The following LEMD3 variants were observed in gnomAD, a reference collection of about 807,000 sequenced individuals.
LEMD3 encodes inner nuclear membrane protein Man1.
In LEMD3, 33 loss-of-function variants were observed where a neutral mutation model predicts 95.2. The ratio of observed to expected loss-of-function variants is 0.35; its 90% CI spans 0.26 to 0.46. LEMD3 has a LOEUF of 0.46. LEMD3 is among the 20% of genes least tolerant of loss of function. The probability of loss-of-function intolerance (pLI) is 1.00; values close to 1 mark genes in which losing one functional copy is unlikely to be tolerated. For missense variants in LEMD3, 1,210 were observed against 1,192.8 expected (o/e 1.01, Z -0.21); for synonymous variants, 525 against 474.6 (o/e 1.11, Z -1.38).
chr12:65,241,503 C>G (rs1011856464), intron 9 of LEMD3, among the ~76,000 whole-genome samples: 6 of 151,682 alleles, frequency 4.0e-5, no homozygotes, highest in Non-Finnish European at 8.8e-5. Context: ...TTTTGCCTGC[C>G]TCCTCTTACT....
chr12:65,171,114 C>G lies in LEMD3; in HGVS notation c.1518C>G (p.Leu506=). ...CAGGAGTATCTGAGGATGGAGAACT[C>G]AGCAGTAAGTATTAAATCCTGTGGG... ...RGTGVSEDGE[L]SIENPFGETF... The change falls in exon 1 of 13, where the codon CTC becomes CTG. Residue 506 remains leucine, a synonymous_variant. Transcript: ENST00000308330. 1 of 1,610,864 alleles carries G rather than the reference C, an allele frequency of 6.2e-7. No homozygotes were observed. The highest frequency in any genetic ancestry group is 8.5e-7 in the Non-Finnish European group (1 of 1,179,974).
intron 9 of LEMD3, among the ~76,000 whole-genome samples, chr12:65,241,602 A>T (rs1364940784): frequency 6.6e-6 from 1 of 152,090 alleles, no homozygotes; most frequent in Admixed American, 6.6e-5. Flanking sequence ...AGTTTCAAAA[A>T]CATGTATAAA....
chr12:65,239,944 G>C lies in LEMD3; in HGVS notation c.1937G>C (p.Cys646Ser). The change falls in exon 7 of 13, where the codon TGT becomes TCT. Residue 646 changes from cysteine to serine, a missense_variant. Cys to Ser is a moderately radical substitution (Grantham distance 112). Coordinates refer to ENST00000308330, the MANE Select transcript of LEMD3 (RefSeq NM_014319.5). ...LLLCLGVVMVCVVLRYMKYRW... is the reference protein window; with the variant it reads ...LLLCLGVVMVSVVLRYMKYRW... ...AATATTACAGGTGTAGTGATGGTTT[G>C]TGTCGTTCTGCGTTACATGAAATAT... 3 of 1,608,990 alleles carry C rather than the reference G, an allele frequency of 1.9e-6. No individual in the cohort carries two copies. The highest frequency in any genetic ancestry group is 2.6e-6 in the Non-Finnish European group (3 of 1,175,492).
chr12:65,225,418 T>C (rs780421648), intron 4 of LEMD3, among the ~76,000 whole-genome samples: 1 of 152,204 alleles, frequency 6.6e-6, no homozygotes, highest in Non-Finnish European at 1.5e-5. Flanking sequence ...ATATCTTTTC[T>C]GTGGTTGTGG....
intron 1 of LEMD3, among the ~76,000 whole-genome samples, chr12:65,180,400 A>C (rs954990923): frequency 4.7e-5 from 7 of 149,812 alleles, no homozygotes; most frequent in African/African-American, 1.7e-4. Flanking sequence ...ATATTGCCAA[A>C]ATTTTTTTAA....
intron 10 of LEMD3, 187 bp from the exon 11 acceptor site, chr12:65,245,482 A>C (rs755296563): frequency 2.8e-5 from 16 of 578,132 alleles, no homozygotes; most frequent in Non-Finnish European, 4.9e-5. Context: ...GAGGGCTGAG[A>C]CTTCTGAATT....
intron 3 of LEMD3, among the ~76,000 whole-genome samples, chr12:65,217,077 G>A (rs544035759): frequency 1.1e-4 from 16 of 152,248 alleles, no homozygotes; most frequent in African/African-American, 3.9e-4. Flanking sequence ...TATCAAGTAT[G>A]GTTCATGGCC....
intron 3 of LEMD3, among the ~76,000 whole-genome samples, chr12:65,217,357 A>T (rs1592450818): frequency 6.6e-6 from 1 of 152,228 alleles, no homozygotes; most frequent in African/African-American, 2.4e-5. Flanking sequence ...TGTAATTTGC[A>T]GACCTCTGCT....
intron 1 of LEMD3, among the ~76,000 whole-genome samples, chr12:65,187,617 C>G (rs1592434476): frequency 6.6e-6 from 1 of 151,954 alleles, no homozygotes; most frequent in East Asian, 1.9e-4. Flanking sequence ...AAAAAAATCT[C>G]ACATTCTACT....
rs1345255913 is a variant in LEMD3 at position 65,247,978 on chromosome 12, T to G, written c.*1653T>G. The G allele has an allele frequency of 6.6e-6, 1 of 152,492 alleles. No homozygotes were observed. Among genetic ancestry groups the G allele is most frequent in the Non-Finnish European group, 1.5e-5 (1 of 67,994 alleles). The allele number at this position is 152,492 out of a possible 1,614,324, so 9.4% of individuals were successfully genotyped here. A position where few individuals can be genotyped will look rare whatever the true frequency, so the allele number is the denominator to read the frequency against. ...GTAACCAGTCTTCCTGTATTTTATG[T>G]GCATCATAGTGATTTATCTGAGCTT... On this transcript the variant is annotated 3_prime_UTR_variant, in exon 13 of 13. Coordinates refer to ENST00000308330, the MANE Select transcript of LEMD3 (RefSeq NM_014319.5).
intron 1 of LEMD3, among the ~76,000 whole-genome samples, chr12:65,179,750 A>G (rs1868842833): frequency 6.6e-6 from 1 of 152,186 alleles, no homozygotes; most frequent in African/African-American, 2.4e-5. Flanking sequence ...CATCCTGCAC[A>G]TGTATCCCAG....
chr12:65,204,331 C>T (rs1243279241), intron 1 of LEMD3, among the ~76,000 whole-genome samples: 3 of 152,102 alleles, frequency 2.0e-5, no homozygotes, highest in Non-Finnish European at 4.4e-5. Context: ...CTCCCTCACC[C>T]CACCCAACCC....
Position 65,241,698 on chromosome 12 carries a change from A to G in LEMD3, c.2305+611A>G, listed in dbSNP as rs149132768. On this transcript the variant is annotated intron_variant, in intron 9 of 12. Transcript: ENST00000308330. ...TTACTACACAGAAAAGCAGAAAACA[A>G]TGCATCAGAAAATTATGACTTTTTC... Among the ~76,000 whole-genome samples, 971 of 152,318 alleles carry G rather than the reference A, an allele frequency of 6.4e-3. 11 individuals are homozygous for G. Among genetic ancestry groups the G allele is most frequent in the African/African-American group, 0.021 (885 of 41,574 alleles).
chr12:65,238,408 A>G, intron 4 of LEMD3, 94 bp from the exon 5 acceptor site: 1 of 759,930 alleles, frequency 1.3e-6, no homozygotes, highest in Non-Finnish European at 2.2e-6. Context: ...TGTAGTTAAA[A>G]TAAAAATGTT....
chr12:65,211,276 T>G (rs1869930665), intron 2 of LEMD3, among the ~76,000 whole-genome samples: 1 of 152,190 alleles, frequency 6.6e-6, no homozygotes, highest in East Asian at 1.9e-4. Context: ...TCAGTGGATC[T>G]TGTCTTACAC....
intron 1 of LEMD3, among the ~76,000 whole-genome samples, chr12:65,186,301 C>T (rs182092768): frequency 3.2e-4 from 49 of 152,036 alleles, no homozygotes; most frequent in Middle Eastern, 3.4e-3. Context: ...GCGGAGCAAG[C>T]ATTACTTAAA....
rs774790837 is a variant in LEMD3 at position 65,245,770 on chromosome 12, G to A, written c.2489G>A (p.Arg830His). Residue 830 changes from arginine (R) to histidine (H), a missense_variant, in exon 11 of 13, where the codon CGT becomes CAT. Coordinates refer to ENST00000308330, the MANE Select transcript of LEMD3 (RefSeq NM_014319.5). ...IVHIAVDKNSREGCVYVKCLS... is the reference protein window; with the variant it reads ...IVHIAVDKNSHEGCVYVKCLS... ...CACATTGCAGTAGACAAAAATTCAC[G>A]TGAGGTAAAGTAACTTTTGGTATTG... The A allele has an allele frequency of 6.3e-5, 101 of 1,611,080 alleles. No homozygotes were observed. The highest frequency in any genetic ancestry group is 3.3e-4 in the Middle Eastern group (2 of 6,078).
intron 4 of LEMD3, among the ~76,000 whole-genome samples, chr12:65,219,088 A>G (rs926164790): frequency 6.6e-6 from 1 of 151,856 alleles, no homozygotes; most frequent in African/African-American, 2.4e-5. Flanking sequence ...CACCTGTTCA[A>G]TTTTTTTTAG....
Position 65,192,362 on chromosome 12 carries a change from A to G in LEMD3, c.1523-18564A>G, listed in dbSNP as rs934323174. 3.3e-5 allele frequency among the ~76,000 whole-genome samples: 5 copies of G among 152,306 alleles called. No individual in the cohort carries two copies. The East Asian group carries it at 9.6e-4, about 29-fold the overall frequency. ...CTACAGTTTTCTCATATGCATTCAT[A>G]TGAATGCCCTATAGGGCACGGGTTT... On this transcript the variant is annotated intron_variant, in intron 1 of 12. Transcript: ENST00000308330.
Sources: gnomAD v4.1 joint callset for allele counts (sites outside exome capture counted in the v4.1 genomes callset) on GRCh38, gnomAD v4.1.1 for gene constraint, MANE v1.5 for transcripts, NCBI Gene and HGNC (gene_info 2026-07-23, HGNC 2026-07-21) for gene names.